CSMD1: variants seen among roughly 807,000 people sequenced by gnomAD.
The protein encoded by CSMD1 is CUB and sushi domain-containing protein 1.
Under a neutral mutation model 417.5 loss-of-function variants are expected in CSMD1, and 213 were observed. That is an observed-to-expected ratio of 0.51 (90% CI 0.46 to 0.57). The LOEUF (loss-of-function observed/expected upper bound fraction) is 0.57, where lower values mean the gene tolerates loss of function less well. Ranked by LOEUF, CSMD1 falls within the 20% of genes least tolerant of loss-of-function variation. The pLI is 0.00. For missense variants in CSMD1, 6,923 were observed against 4,529.7 expected (o/e 1.53, Z -15.17); for synonymous variants, 2,862 against 1,736.8 (o/e 1.65, Z -16.11).
chr8:4,013,816 G>A (rs915909362), intron 4 of CSMD1, among the ~76,000 whole-genome samples: 1 of 152,168 alleles, frequency 6.6e-6, no homozygotes, highest in African/African-American at 2.4e-5. Context: ...ATCTGTTTAG[G>A]TGGTGTCTAT....
chr8:2,973,084 T>A (rs764515900), intron 57 of CSMD1, 33 bp downstream of exon 57: 1 of 1,598,792 alleles, frequency 6.3e-7, no homozygotes, highest in Non-Finnish European at 8.5e-7. Flanking sequence ...GTTTTAACTT[T>A]CAAGGTGGAC....
At chr8:3,535,608 T>C (rs1423567234) in intron 10 of CSMD1, among the ~76,000 whole-genome samples, 2 of 152,190 alleles carry the variant, frequency 1.3e-5, no homozygotes, top group African/African-American at 4.8e-5. Context: ...TTAATGGGTA[T>C]AATGTACCTT....
rs112141678 is a variant in CSMD1, at chr8:3,936,817, A to T, written c.818+61086T>A. The stretch of plus-strand genomic sequence containing the variant: ...TGTTATTTAAGAAATATGTTTCATA[A>T]GGCTATTGCTGCATGGAGAGTGAGT... On this transcript the variant is annotated intron_variant, in intron 5 of 69. Transcript: ENST00000635120. 4.6e-3 allele frequency among the ~76,000 whole-genome samples: 705 copies of T among 152,298 alleles called. 7 individuals are homozygous for T. The highest frequency in any genetic ancestry group is 0.015 in the African/African-American group (642 of 41,578).
chr8:2,999,769 G>T (rs1282541224), intron 53 of CSMD1, among the ~76,000 whole-genome samples, 189 bp downstream of exon 53: 2 of 139,180 alleles, frequency 1.4e-5, no homozygotes, highest in Non-Finnish European at 3.0e-5. Flanking sequence ...AACAAAACGG[G>T]AAGGAGATCA....
chr8:3,286,209 C>G (rs900966267), intron 25 of CSMD1, among the ~76,000 whole-genome samples: 9 of 152,206 alleles, frequency 5.9e-5, no homozygotes, highest in African/African-American at 1.4e-4. Context: ...GCTACAATTT[C>G]TTAATCCAGT....
chr8:3,537,342 G>C (rs937417515), intron 10 of CSMD1, among the ~76,000 whole-genome samples: 1 of 152,146 alleles, frequency 6.6e-6, no homozygotes, highest in African/African-American at 2.4e-5. Context: ...CCTATCACCT[G>C]TATGAGTTTT....
chr8:4,541,885 G>C (rs1338558093), intron 2 of CSMD1, among the ~76,000 whole-genome samples: 3 of 152,140 alleles, frequency 2.0e-5, no homozygotes, highest in African/African-American at 7.2e-5. Context: ...ATGGAGGCTG[G>C]AGGCGCCGCA....
At position 3,473,872 on chromosome 8, in the gene CSMD1, A is replaced by C. The variant is rs529795677; in HGVS notation, c.1449-5048T>G. The stretch of plus-strand genomic sequence containing the variant: ...TCCACATGGCTTGGGAGGCCTCAGG[A>C]AACTTACAATCATGGTAGAGGGTGA... On this transcript the variant is annotated intron_variant, in intron 11 of 69. Transcript: ENST00000635120. Among the ~76,000 whole-genome samples, 36 of 152,286 alleles carry C rather than the reference A, an allele frequency of 2.4e-4. 1 individual carries two copies. The highest frequency in any genetic ancestry group is 8.4e-4 in the African/African-American group (35 of 41,556).
intron 49 of CSMD1, among the ~76,000 whole-genome samples, chr8:3,085,863 G>C (rs1053099541): frequency 1.3e-5 from 2 of 152,182 alleles, no homozygotes; most frequent in Non-Finnish European, 2.9e-5. Flanking sequence ...TTTGGGACAT[G>C]AAGGTCCCTC....
At chr8:2,969,185 C>T (rs1044637069) in intron 57 of CSMD1, among the ~76,000 whole-genome samples, 1 of 152,080 alleles carries the variant, frequency 6.6e-6, no homozygotes, top group African/African-American at 2.4e-5. Flanking sequence ...ATGTAAAATG[C>T]CTAGTGTGAG....
intron 3 of CSMD1, among the ~76,000 whole-genome samples, chr8:4,093,965 A>ATAG (rs1800856653): frequency 7.3e-6 from 1 of 136,864 alleles, no homozygotes; most frequent in African/African-American, 2.7e-5. Flanking sequence ...CTACATCTCA[A>ATAG]ATAGATAGAT....
At chr8:4,842,501 G>T (rs1035513739) in intron 1 of CSMD1, among the ~76,000 whole-genome samples, 1 of 152,154 alleles carries the variant, frequency 6.6e-6, no homozygotes, top group African/African-American at 2.4e-5. Context: ...TTCAGGAAAT[G>T]ACTTACTAAA....
At chr8:4,973,214 A>T (rs1186525534) in intron 1 of CSMD1, among the ~76,000 whole-genome samples, 1 of 152,098 alleles carries the variant, frequency 6.6e-6, no homozygotes, top group South Asian at 2.1e-4. Context: ...TCCTCTCATC[A>T]TATTATTGAG....
At chr8:4,949,173 T>C (rs1187843613) in intron 1 of CSMD1, among the ~76,000 whole-genome samples, 2 of 152,184 alleles carry the variant, frequency 1.3e-5, no homozygotes, top group African/African-American at 2.4e-5. Context: ...CTCAAGTTTA[T>C]CATGTTATAA....
At chr8:3,535,547 G>A (rs1305546613) in intron 10 of CSMD1, among the ~76,000 whole-genome samples, 2 of 152,096 alleles carry the variant, frequency 1.3e-5, no homozygotes, top group Non-Finnish European at 2.9e-5. Context: ...CTTGGAAGGG[G>A]GCTGGTGGGT....
chr8:3,344,189 G>T (rs1327226965), intron 22 of CSMD1, among the ~76,000 whole-genome samples: 1 of 152,204 alleles, frequency 6.6e-6, no homozygotes, highest in East Asian at 1.9e-4. Flanking sequence ...GGGGAGACAG[G>T]TCACATGGTG....
At chr8:3,774,078 C>G (rs1344213058) in intron 5 of CSMD1, among the ~76,000 whole-genome samples, 1 of 152,186 alleles carries the variant, frequency 6.6e-6, no homozygotes, top group African/African-American at 2.4e-5. Flanking sequence ...CAGGCTGAGT[C>G]ATGCAGCTTC....
rs144090976 is a variant in CSMD1, at chr8:4,234,885, T to C, written c.415+185068A>G. On this transcript the variant is annotated intron_variant, in intron 3 of 69. Transcript: ENST00000635120. The stretch of plus-strand genomic sequence containing the variant: ...CCCCACGTAGCTTTTCCTCGGTGTG[T>C]GAACAAAAAACAGAAATAGACCTCT... 5.0e-3 allele frequency among the ~76,000 whole-genome samples: 759 copies of C among 152,238 alleles called. 4 individuals are homozygous for C. The highest frequency in any genetic ancestry group is 0.016 in the African/African-American group (679 of 41,552).
chr8:3,637,000 G>A (rs373766525), intron 7 of CSMD1, among the ~76,000 whole-genome samples: 1 of 152,010 alleles, frequency 6.6e-6, no homozygotes, highest in Non-Finnish European at 1.5e-5. Flanking sequence ...CTCTCTGCTT[G>A]TTGCCCATCT....
Sources: gnomAD v4.1 joint callset for allele counts (sites outside exome capture counted in the v4.1 genomes callset) on GRCh38, gnomAD v4.1.1 for gene constraint, MANE v1.5 for transcripts, NCBI Gene and HGNC (gene_info 2026-07-23, HGNC 2026-07-21) for gene names.